The following FOXK1 variants were observed in gnomAD, a reference collection of about 807,000 sequenced individuals.
The protein encoded by FOXK1 is forkhead box protein K1.
Under a neutral mutation model 51.9 loss-of-function variants are expected in FOXK1, and 19 were observed. That is an observed-to-expected ratio of 0.37 (90% confidence interval 0.26 to 0.54). The LOEUF (loss-of-function observed/expected upper bound fraction) is 0.54. Ranked by LOEUF, FOXK1 falls within the 20% of genes least tolerant of loss-of-function variation. The pLI is 0.87. For synonymous variants in FOXK1, 537 were observed against 482.6 expected (o/e 1.11, Z -1.48); for missense variants, 870 against 1,032.7 (o/e 0.84, Z 2.16).
At chr7:4,721,237 C>G (rs76887398) in intron 1 of FOXK1, among the ~76,000 whole-genome samples, 28 of 152,106 alleles carry the variant, frequency 1.8e-4, no homozygotes, top group Non-Finnish European at 3.1e-4. Flanking sequence ...TCCTGGACAT[C>G]GTGGGGGCTT....
Position 4,749,823 on chromosome 7 carries a change from G to C in FOXK1, c.747-4636G>C, listed in dbSNP as rs1780751810. 6.6e-6 allele frequency among the ~76,000 whole-genome samples: 1 copy of C among 152,234 alleles called. No homozygotes were observed. Among genetic ancestry groups the C allele is most frequent in the South Asian group, 2.1e-4 (1 of 4,832 alleles). On this transcript the variant is annotated intron_variant, in intron 2 of 8. Transcript: ENST00000328914. This position sits in a 1 kb window ranked among gnomAD's most constrained non-coding sequence, Gnocchi z 6.0. Reference sequence around the variant, plus strand: ...ACGGAGCCCAGCTGGCGGCTCCAGAGGTGGCTTTAGGTCTGTTGTTGGATT... The same window carrying C: ...ACGGAGCCCAGCTGGCGGCTCCAGACGTGGCTTTAGGTCTGTTGTTGGATT...
chr7:4,755,041 C>T lies in FOXK1; in HGVS notation c.904-196C>T, dbSNP rs750251992. The T allele has an allele frequency of 1.6e-6, 1 of 639,256 alleles. No homozygotes were observed. Among genetic ancestry groups the T allele is most frequent in the Non-Finnish European group, 2.6e-6 (1 of 384,500 alleles). 39.6% of individuals were successfully genotyped at this position (639,256 alleles called of 1,614,324 possible). ...AAATTATAATAAAACCGAAGTTTTCCTTCCCATGAGGCAAAAATGGTTGTT... is the reference window on the plus strand; with the variant it reads ...AAATTATAATAAAACCGAAGTTTTCTTTCCCATGAGGCAAAAATGGTTGTT... On this transcript the variant is annotated intron_variant, in intron 3 of 8. Transcript: ENST00000328914. The surrounding 1 kb of genome is among the most constrained non-coding windows in gnomAD (Gnocchi z 6.6).
chr7:4,705,552 T>TCTCTCGCTCTCGCTCTCACTCTCG (rs1554249281), intron 1 of FOXK1, among the ~76,000 whole-genome samples: 15 of 143,692 alleles, frequency 1.0e-4, no homozygotes, highest in Middle Eastern at 3.6e-3. Flanking sequence ...TCTCTCTCTC[T>TCTCTCGCTCTCGCTCTCACTCTCG]CTCTCTCGCT....
At position 4,715,778 on chromosome 7, in the gene FOXK1, G is replaced by A. The variant is rs1465306628; in HGVS notation, c.561-25060G>A. On this transcript the variant is annotated intron_variant, in intron 1 of 8. Transcript: ENST00000328914. This position sits in a 1 kb window ranked among gnomAD's most constrained non-coding sequence, Gnocchi z 4.5. ...GAGGTTCCCTCACAGCGAATCCACC[G>A]AAGAGCGCTCCCATCCACAGCCGGC... Among the ~76,000 whole-genome samples the A allele has an allele frequency of 6.6e-6, 1 of 152,122 alleles. No individual in the cohort carries two copies. Among genetic ancestry groups the A allele is most frequent in the East Asian group, 1.9e-4 (1 of 5,200 alleles).
rs193009878 is a variant in FOXK1 at position 4,731,809 on chromosome 7, C to G, written c.561-9029C>G. On this transcript the variant is annotated intron_variant, in intron 1 of 8. Coordinates refer to ENST00000328914, the MANE Select transcript of FOXK1 (RefSeq NM_001037165.2). This position sits in a 1 kb window ranked among gnomAD's most constrained non-coding sequence, Gnocchi z 5.3. ...AGAGAGGCCTGCTTATAACACCATCCTTATCCTGGGCTGTTTTCCTTTGTC... is the reference window on the plus strand; with the variant it reads ...AGAGAGGCCTGCTTATAACACCATCGTTATCCTGGGCTGTTTTCCTTTGTC... Among the ~76,000 whole-genome samples the G allele has an allele frequency of 5.1e-4, 78 of 152,114 alleles. 1 individual carries two copies. The highest frequency in any genetic ancestry group is 1.5e-3 in the African/African-American group (64 of 41,516).
intron 7 of FOXK1, chr7:4,759,934 G>C (rs1780909478): frequency 2.8e-6 from 1 of 358,020 alleles, no homozygotes; most frequent in Admixed American, 4.6e-5. Context: ...AGGAGGCTGA[G>C]GGAGGAGAAT....
At position 4,764,753 on chromosome 7, in the gene FOXK1, A is replaced by G. The variant is rs1780987560; in HGVS notation, c.*2289A>G. 6.6e-6 allele frequency: 1 copy of G among 152,274 alleles called. No homozygotes were observed. The allele number at this position is 152,274 out of a possible 1,614,324, so 9.4% of individuals were successfully genotyped here. A position where few individuals can be genotyped will look rare whatever the true frequency, so the allele number is the denominator to read the frequency against. The stretch of plus-strand genomic sequence containing the variant: ...GGAGACCTCTGTTTGCTTCTGGGCC[A>G]CTGCAGGTTGGCCTCCTCAATACAA... On this transcript the variant is annotated 3_prime_UTR_variant, in exon 9 of 9. Transcript: ENST00000328914.
intron 1 of FOXK1, among the ~76,000 whole-genome samples, chr7:4,702,136 G>A (rs565890002): frequency 2.2e-4 from 34 of 152,162 alleles, no homozygotes; most frequent in South Asian, 4.2e-4. Context: ...CTAAGAATCC[G>A]TGCTTTTCAT....
At position 4,731,349 on chromosome 7, in the gene FOXK1, C is replaced by T. The variant is rs898674012; in HGVS notation, c.561-9489C>T. ...AGTACTTTATCGGGTATCCTAAAGA[C>T]ACGTTGCAGCCTGCAAAATTCGAAA... On this transcript the variant is annotated intron_variant, in intron 1 of 8. Coordinates refer to ENST00000328914, the MANE Select transcript of FOXK1 (RefSeq NM_001037165.2). This position sits in a 1 kb window ranked among gnomAD's most constrained non-coding sequence, Gnocchi z 5.3. Among the ~76,000 whole-genome samples, 1 of 152,248 alleles carries T rather than the reference C, an allele frequency of 6.6e-6. No homozygotes were observed. The highest frequency in any genetic ancestry group is 1.5e-5 in the Non-Finnish European group (1 of 68,052).
rs1350681298 is a variant in FOXK1, at chr7:4,722,226, A to C, written c.561-18612A>C. On this transcript the variant is annotated intron_variant, in intron 1 of 8. Coordinates refer to ENST00000328914, the MANE Select transcript of FOXK1 (RefSeq NM_001037165.2). The surrounding 1 kb of genome is among the most constrained non-coding windows in gnomAD (Gnocchi z 5.1). ...TCACGTCCACGGCCGCCTGGAAATA[A>C]ATGCCAGCACCGTGCAAGCTGGCTT... is the stretch of plus-strand genomic sequence containing the variant. Among the ~76,000 whole-genome samples, 1 of 152,170 alleles carries C rather than the reference A, an allele frequency of 6.6e-6. No individual in the cohort carries two copies. Among genetic ancestry groups the C allele is most frequent in the Non-Finnish European group, 1.5e-5 (1 of 68,028 alleles).
chr7:4,730,138 G>C lies in FOXK1; in HGVS notation c.561-10700G>C, dbSNP rs1051871561. On this transcript the variant is annotated intron_variant, in intron 1 of 8. Transcript: ENST00000328914. The surrounding 1 kb of genome is among the most constrained non-coding windows in gnomAD (Gnocchi z 4.7). ...TTTTCCAAATAGGACATGCTTATTT[G>C]CCTGATTACAAAAATAGATGCATTC... is the stretch of plus-strand genomic sequence containing the variant. Among the ~76,000 whole-genome samples, 1 of 152,112 alleles carries C rather than the reference G, an allele frequency of 6.6e-6. No homozygotes were observed. The highest frequency in any genetic ancestry group is 2.4e-5 in the African/African-American group (1 of 41,410).
chr7:4,754,564 A>C lies in FOXK1; in HGVS notation c.852A>C (p.Ala284=). The C allele has an allele frequency of 6.2e-7, 1 of 1,610,064 alleles. No individual in the cohort carries two copies. Among genetic ancestry groups the C allele is most frequent in the Non-Finnish European group, 8.5e-7 (1 of 1,180,024 alleles). The stretch of plus-strand genomic sequence containing the variant: ...TGCAGCTGGCAGCAGAGTTTGCAGC[A>C]AAGGCCGCGTCGGAGCAGCAGGCAG... ...SDLQLAAEFA[A]KAASEQQADT... Residue 284 remains alanine (A), a synonymous_variant, in exon 3 of 9, where the codon GCA becomes GCC. Transcript: ENST00000328914.
At chr7:4,714,647 T>A (rs1348587415) in intron 1 of FOXK1, among the ~76,000 whole-genome samples, 1 of 152,258 alleles carries the variant, frequency 6.6e-6, no homozygotes, top group African/African-American at 2.4e-5. Flanking sequence ...GAGTGCGTGC[T>A]TGCTTTGCTT....
chr7:4,720,013 G>A (rs1780288965), intron 1 of FOXK1, among the ~76,000 whole-genome samples: 1 of 152,156 alleles, frequency 6.6e-6, no homozygotes, highest in South Asian at 2.1e-4. Flanking sequence ...CGTCCGATGT[G>A]TTGAGTTTTT....
Position 4,759,187 on chromosome 7 carries a change from C to G in FOXK1, c.1381C>G (p.Pro461Ala). 1 of 1,612,762 alleles carries G rather than the reference C, an allele frequency of 6.2e-7. No homozygotes were observed. Among genetic ancestry groups the G allele is most frequent in the African/African-American group, 1.3e-5 (1 of 75,046 alleles). Residue 461 changes from proline to alanine, a missense_variant, in exon 6 of 9, where the codon CCA becomes GCA. Physicochemically the swap from Pro to Ala is conservative, Grantham distance 27. Coordinates refer to ENST00000328914, the MANE Select transcript of FOXK1 (RefSeq NM_001037165.2). ...GTTTGGGTCCAAGTTAGCTTCTGTCCCAGAGTACCGGTATTCCCAAAGCGC... is the reference window on the plus strand; with the variant it reads ...GTTTGGGTCCAAGTTAGCTTCTGTCGCAGAGTACCGGTATTCCCAAAGCGC... The part of the protein sequence containing the change: ...PEFGSKLASV[P>A]EYRYSQSAPG...
At position 4,712,667 on chromosome 7, in the gene FOXK1, C is replaced by T. The variant is rs528537956; in HGVS notation, c.561-28171C>T. On this transcript the variant is annotated intron_variant, in intron 1 of 8. Transcript: ENST00000328914. ...GTCTTTAAGTGTACCAGCGATCAGG[C>T]TTCTCATTTTACACCTCAAGGGTTT... 2.0e-5 allele frequency among the ~76,000 whole-genome samples: 3 copies of T among 152,270 alleles called. No individual in the cohort carries two copies. In the South Asian group the frequency reaches 6.2e-4, roughly 32 times the overall value.
chr7:4,729,442 C>T lies in FOXK1; in HGVS notation c.561-11396C>T, dbSNP rs1013578042. Among the ~76,000 whole-genome samples, 10 of 152,092 alleles carry T rather than the reference C, an allele frequency of 6.6e-5. No individual in the cohort carries two copies. Among genetic ancestry groups the T allele is most frequent in the East Asian group, 1.9e-4 (1 of 5,164 alleles). Reference sequence around the variant, plus strand: ...ACCTACCAGATGAGCGTTCCTTCCGCGAAGGGAAGGTGGGGGGATTTTGAA... The same window carrying T: ...ACCTACCAGATGAGCGTTCCTTCCGTGAAGGGAAGGTGGGGGGATTTTGAA... On this transcript the variant is annotated intron_variant, in intron 1 of 8. Coordinates refer to ENST00000328914, the MANE Select transcript of FOXK1 (RefSeq NM_001037165.2). This position sits in a 1 kb window ranked among gnomAD's most constrained non-coding sequence, Gnocchi z 6.2.
Position 4,753,822 on chromosome 7 carries a change from G to A in FOXK1, c.747-637G>A, listed in dbSNP as rs1235221218. On this transcript the variant is annotated intron_variant, in intron 2 of 8. Coordinates refer to ENST00000328914, the MANE Select transcript of FOXK1 (RefSeq NM_001037165.2). This position sits in a 1 kb window ranked among gnomAD's most constrained non-coding sequence, Gnocchi z 4.9. ...AGCCTCACCTGCAGCCGGGGGTGTCGGTCACTCCCAGCCATCTGTGGTTGC... is the reference window on the plus strand; with the variant it reads ...AGCCTCACCTGCAGCCGGGGGTGTCAGTCACTCCCAGCCATCTGTGGTTGC... Among the ~76,000 whole-genome samples the A allele has an allele frequency of 1.3e-5, 2 of 152,134 alleles. No individual in the cohort carries two copies. The highest frequency in any genetic ancestry group is 2.4e-5 in the African/African-American group (1 of 41,438).
rs1395652925 is a variant in FOXK1, at chr7:4,730,700, G to A, written c.561-10138G>A. On this transcript the variant is annotated intron_variant, in intron 1 of 8. Transcript: ENST00000328914. This position sits in a 1 kb window ranked among gnomAD's most constrained non-coding sequence, Gnocchi z 4.7. ...ACTGCTCTTAGCTGCTGGCGAAGACGTGGTCTCTGCAATAGAGAGGCGCCT... is the reference window on the plus strand; with the variant it reads ...ACTGCTCTTAGCTGCTGGCGAAGACATGGTCTCTGCAATAGAGAGGCGCCT... Among the ~76,000 whole-genome samples, 1 of 152,208 alleles carries A rather than the reference G, an allele frequency of 6.6e-6. No homozygotes were observed. The highest frequency in any genetic ancestry group is 1.5e-5 in the Non-Finnish European group (1 of 68,038).
Sources: gnomAD v4.1 joint callset for allele counts (sites outside exome capture counted in the v4.1 genomes callset) on GRCh38, gnomAD v4.1.1 for gene constraint, Gnocchi (gnomAD v3.1) non-coding constraint, MANE v1.5 for transcripts, NCBI Gene and HGNC (gene_info 2026-07-23, HGNC 2026-07-21) for gene names.